The following KAZN variants were observed in gnomAD, a reference collection of about 807,000 sequenced individuals.
KAZN encodes kazrin, periplakin interacting protein, also known as kazrin.
A neutral mutation model predicts 87.4 loss-of-function variants in KAZN; 40 were observed. The ratio of observed to expected loss-of-function variants is 0.46; its 90% CI spans 0.36 to 0.60. The LOEUF (loss-of-function observed/expected upper bound fraction) is 0.60. KAZN is among the 20% of genes least tolerant of loss of function. KAZN has a pLI of 0.00. For missense variants in KAZN, 898 were observed against 1,073.9 expected, an observed-to-expected ratio of 0.84 and a Z score of 2.29; for synonymous variants, 466 against 458.3, an observed-to-expected ratio of 1.02 and a Z score of -0.22.
chr1:13,984,508 A>C (rs757812028), intron 1 of KAZN, among the ~76,000 whole-genome samples: 1 of 152,220 alleles, frequency 6.6e-6, no homozygotes, highest in Non-Finnish European at 1.5e-5. Flanking sequence ...ATTTTTTTGG[A>C]ATCTCTTCTA....
At chr1:14,332,808 G>A (rs1171107605) in intron 2 of KAZN, among the ~76,000 whole-genome samples, 4 of 152,156 alleles carry the variant, frequency 2.6e-5, no homozygotes, top group African/African-American at 7.2e-5. Flanking sequence ...TGTTCATCAC[G>A]TGGCTGCAAA....
At chr1:14,253,650 T>C (rs927804992) in intron 2 of KAZN, among the ~76,000 whole-genome samples, 4 of 152,022 alleles carry the variant, frequency 2.6e-5, no homozygotes, top group Non-Finnish European at 5.9e-5. Flanking sequence ...CCAGGTGTAA[T>C]GGTAACTTCT....
chr1:14,900,217 G>A (rs1375828298), intron 1 of KAZN, among the ~76,000 whole-genome samples: 1 of 152,132 alleles, frequency 6.6e-6, no homozygotes, highest in Non-Finnish European at 1.5e-5. Flanking sequence ...TCTGATTCCC[G>A]CTCAGAACTA....
At chr1:14,227,802 C>T (rs899773709) in intron 2 of KAZN, among the ~76,000 whole-genome samples, 1 of 152,140 alleles carries the variant, frequency 6.6e-6, no homozygotes, top group Non-Finnish European at 1.5e-5. Flanking sequence ...CAGTAGCTAC[C>T]TTCCTGGAAA....
chr1:14,681,000 G>A (rs531061717), intron 1 of KAZN, among the ~76,000 whole-genome samples: 95 of 152,284 alleles, frequency 6.2e-4, no homozygotes, highest in Admixed American at 3.7e-3. Flanking sequence ...GAACAGGCAC[G>A]TTACAGGCAA....
rs1002480133 is a variant in KAZN at position 14,140,224 on chromosome 1, G to T, written c.92-40211G>T. ...CCATCAGTTAGAAAGTGTGATTTTG[G>T]ACAAGCTATCTAATCTTTCTAAGCC... is the stretch of plus-strand genomic sequence containing the variant. On this transcript the variant is annotated intron_variant, in intron 1 of 16. Transcript: ENST00000636203. Among the ~76,000 whole-genome samples the T allele has an allele frequency of 2.0e-5, 3 of 152,116 alleles. No individual in the cohort carries two copies. The East Asian group carries it at 5.8e-4, about 29-fold the overall frequency.
rs187868622 is a variant in KAZN, at chr1:14,905,004, G to A, written c.227-55680G>A. On this transcript the variant is annotated intron_variant, in intron 1 of 14. Coordinates refer to ENST00000376030, the MANE Select transcript of KAZN (RefSeq NM_201628.3). Reference sequence around the variant, plus strand: ...TCTCAATCTCCTGACCTCGTGATCCGCCCACCTCGGCCTCCCAAAGTGCTG... The same window carrying A: ...TCTCAATCTCCTGACCTCGTGATCCACCCACCTCGGCCTCCCAAAGTGCTG... Among the ~76,000 whole-genome samples the A allele has an allele frequency of 3.2e-3, 480 of 152,032 alleles. 13 individuals are homozygous for A. The highest frequency in any genetic ancestry group is 0.023 in the Admixed American group (353 of 15,268).
intron 1 of KAZN, among the ~76,000 whole-genome samples, chr1:14,629,318 C>T (rs929550105): frequency 6.6e-6 from 1 of 152,214 alleles, no homozygotes; most frequent in Non-Finnish European, 1.5e-5. Context: ...CTTTTGTGAA[C>T]ATCAGTTTGC....
rs940261112 is a variant in KAZN, at chr1:15,112,613, C to T, written c.2163+72C>T. On this transcript the variant is annotated intron_variant, in intron 14 of 14. Transcript: ENST00000376030. Reference sequence around the variant, plus strand: ...AGGTCTTTTTTTCTCCTCCCGGGAGCTCTGTGGCTCCTGTGCTGGCCTGTG... The same window carrying T: ...AGGTCTTTTTTTCTCCTCCCGGGAGTTCTGTGGCTCCTGTGCTGGCCTGTG... 2.3e-4 allele frequency: 86 copies of T among 374,730 alleles called. 1 individual carries two copies. In the Admixed American group the frequency reaches 3.8e-3, roughly 17 times the overall value. 23.2% of individuals were successfully genotyped at this position (374,730 alleles called of 1,614,324 possible).
At chr1:14,930,512 A>G (rs887280928) in intron 1 of KAZN, among the ~76,000 whole-genome samples, 1 of 152,130 alleles carries the variant, frequency 6.6e-6, no homozygotes, top group African/African-American at 2.4e-5. Flanking sequence ...GGGTCCCATT[A>G]GTGTGGAAGG....
chr1:14,511,538 C>T (rs1254939198), intron 2 of KAZN, among the ~76,000 whole-genome samples: 1 of 152,164 alleles, frequency 6.6e-6, no homozygotes, highest in Non-Finnish European at 1.5e-5. Context: ...TATGCTTTCA[C>T]AAAAGCAGAA....
chr1:14,252,290 T>G (rs1340747419), intron 2 of KAZN, among the ~76,000 whole-genome samples: 1 of 152,214 alleles, frequency 6.6e-6, no homozygotes, highest in African/African-American at 2.4e-5. Flanking sequence ...CATAAGCTGA[T>G]GGATAAACTT....
intron 2 of KAZN, among the ~76,000 whole-genome samples, chr1:14,534,669 A>G (rs560181982): frequency 9.9e-5 from 15 of 151,890 alleles, no homozygotes; most frequent in African/African-American, 3.6e-4. Context: ...TAAAATAAAA[A>G]CTGTAGCACT....
At chr1:14,251,643 C>CT (rs549092023) in intron 2 of KAZN, among the ~76,000 whole-genome samples, 1,020 of 90,294 alleles carry the variant, frequency 0.011, 42 homozygotes, top group Middle Eastern at 0.019. Context: ...TTCTCCCGGA[C>CT]TTTTTTTTTT....
intron 1 of KAZN, among the ~76,000 whole-genome samples, chr1:14,672,870 A>G (rs761647802): frequency 6.6e-5 from 10 of 152,170 alleles, no homozygotes; most frequent in Non-Finnish European, 1.3e-4. Flanking sequence ...TAGGGCTACC[A>G]TAGCCTTCTC....
rs528884742 is a variant in KAZN, at chr1:14,028,941, C to A, written c.91+135185C>A. Among the ~76,000 whole-genome samples, 5 of 152,322 alleles carry A rather than the reference C, an allele frequency of 3.3e-5. No individual in the cohort carries two copies. In the South Asian group the frequency reaches 6.2e-4, roughly 19 times the overall value. Reference sequence around the variant, plus strand: ...TAATGCCGCAATAAACATACTTGTGCATGTGTCTTTATAGCATCATGATTT... The same window carrying A: ...TAATGCCGCAATAAACATACTTGTGAATGTGTCTTTATAGCATCATGATTT... On this transcript the variant is annotated intron_variant, in intron 1 of 16. Transcript: ENST00000636203.
chr1:15,004,373 T>G (rs1221022622), intron 2 of KAZN, among the ~76,000 whole-genome samples: 1 of 152,158 alleles, frequency 6.6e-6, no homozygotes, highest in Non-Finnish European at 1.5e-5. Context: ...CAAATATCAT[T>G]GCAGAGTGAA....
At chr1:15,073,740 C>A (rs915676532) in intron 8 of KAZN, among the ~76,000 whole-genome samples, 3 of 152,196 alleles carry the variant, frequency 2.0e-5, no homozygotes, top group Non-Finnish European at 2.9e-5. Flanking sequence ...GAGTTCTGAG[C>A]CTGAGGTCCA....
At chr1:15,047,916 C>G (rs143642711) in intron 4 of KAZN, among the ~76,000 whole-genome samples, 78 of 152,310 alleles carry the variant, frequency 5.1e-4, no homozygotes, top group Non-Finnish European at 8.7e-4. Context: ...TGCAGTGTGC[C>G]CTGTGGCCCA....
Sources: allele counts gnomAD v4.1 joint callset (sites outside exome capture counted in the v4.1 genomes callset), GRCh38; gene constraint gnomAD v4.1.1; transcripts MANE v1.5; gene names NCBI Gene and HGNC (gene_info 2026-07-23, HGNC 2026-07-21).